GPHN: variants seen among roughly 807,000 people sequenced by gnomAD.
GPHN encodes the protein gephyrin.
Under a neutral mutation model 95.5 loss-of-function variants are expected in GPHN, and 17 were observed. That is an observed-to-expected ratio of 0.18 (90% CI 0.12 to 0.27). GPHN has a LOEUF of 0.27. Among genes scored for constraint, GPHN ranks in the 10% least tolerant of loss-of-function variants. The pLI, the probability that GPHN is intolerant of heterozygous loss-of-function variation, is 1.00. For missense variants in GPHN, 660 were observed against 978.1 expected, an observed-to-expected ratio of 0.67 and a Z score of 4.34; for synonymous variants, 320 against 322.5, an observed-to-expected ratio of 0.99 and a Z score of 0.08.
the GPHN span, among the ~76,000 whole-genome samples, chr14:67,631,450 T>G: frequency 7.3e-5 from 11 of 149,728 alleles, no homozygotes; most frequent in Admixed American, 1.3e-4. Context: ...TTTTTTTTTT[T>G]TTTGAGACAG....
the GPHN span, among the ~76,000 whole-genome samples, chr14:67,269,041 C>A: frequency 6.6e-6 from 1 of 152,174 alleles, no homozygotes; most frequent in Non-Finnish European, 1.5e-5. Context: ...CCATTCACCC[C>A]CAGTTTTAGG....
At chr14:66,622,112 A>G (rs1259952843) in intron 1 of GPHN, among the ~76,000 whole-genome samples, 4 of 152,140 alleles carry the variant, frequency 2.6e-5, no homozygotes, top group Non-Finnish European at 4.4e-5. Context: ...ATTTACGTAC[A>G]TCCTGTGAAA....
chr14:66,669,753 G>A (rs1373441945), intron 1 of GPHN, among the ~76,000 whole-genome samples: 2 of 151,964 alleles, frequency 1.3e-5, no homozygotes, highest in Non-Finnish European at 2.9e-5. Context: ...TGTTTTTCAG[G>A]TATAAAATTT....
intron 1 of GPHN, among the ~76,000 whole-genome samples, chr14:66,602,179 A>G (rs997262823): frequency 3.3e-5 from 5 of 151,964 alleles, no homozygotes; most frequent in African/African-American, 1.2e-4. Context: ...AATAATTTCT[A>G]TGTAAATATT....
the GPHN span, chr14:67,352,947 T>C: frequency 1.2e-6 from 2 of 1,611,774 alleles, no homozygotes; most frequent in East Asian, 2.2e-5. Flanking sequence ...TTAGGATCTG[T>C]CGAAATCGAA....
At chr14:67,402,528 C>A in the GPHN span, among the ~76,000 whole-genome samples, 1 of 152,142 alleles carries the variant, frequency 6.6e-6, no homozygotes, top group Non-Finnish European at 1.5e-5. Context: ...CTCATTCTTT[C>A]TAATTAATTT....
chr14:66,986,088 T>C (rs2071009540), intron 9 of GPHN, among the ~76,000 whole-genome samples: 2 of 151,472 alleles, frequency 1.3e-5, no homozygotes, highest in South Asian at 4.2e-4. Flanking sequence ...GAACTAACAT[T>C]TATTTTCAGA....
chr14:67,340,826 G>A, the GPHN span, among the ~76,000 whole-genome samples: 23 of 152,172 alleles, frequency 1.5e-4, no homozygotes, highest in African/African-American at 4.1e-4. Flanking sequence ...GGCGCGTGCC[G>A]CCACGCCTGA....
intron 1 of GPHN, among the ~76,000 whole-genome samples, chr14:66,520,862 C>T (rs982018311): frequency 1.3e-5 from 2 of 152,146 alleles, no homozygotes; most frequent in East Asian, 1.9e-4. Context: ...TCTTCCCACC[C>T]CCTACCCTCA....
intron 2 of GPHN, among the ~76,000 whole-genome samples, chr14:66,769,189 A>G (rs146028280): frequency 2.2e-4 from 34 of 152,224 alleles, no homozygotes; most frequent in African/African-American, 8.2e-4. Flanking sequence ...CCAATCATCT[A>G]TGAAATATAC....
chr14:66,884,808 ATG>A (rs1358860815), intron 5 of GPHN, among the ~76,000 whole-genome samples: 3 of 139,008 alleles, frequency 2.2e-5, no homozygotes, highest in Admixed American at 7.1e-5. Context: ...GTGTGTGTGT[ATG>A]TGTGTGTGTA....
chr14:67,171,444 C>T (rs940689741), intron 21 of GPHN, among the ~76,000 whole-genome samples: 2 of 151,986 alleles, frequency 1.3e-5, no homozygotes, highest in Non-Finnish European at 2.9e-5. Context: ...TTATTGACCC[C>T]GTGTTTCCAT....
chr14:66,656,407 A>G (rs1046560499), intron 1 of GPHN, among the ~76,000 whole-genome samples: 1 of 152,118 alleles, frequency 6.6e-6, no homozygotes, highest in Non-Finnish European at 1.5e-5. Flanking sequence ...TTTCCTTACT[A>G]TCCTTTTGAT....
At chr14:67,586,037 A>G in the GPHN span, 3 of 1,613,904 alleles carry the variant, frequency 1.9e-6, no homozygotes, top group East Asian at 2.2e-5. Context: ...GATCTATCCC[A>G]GACAAGAGCT....
chr14:66,664,989 C>CAAAAAAAAA (rs937401198), intron 1 of GPHN, among the ~76,000 whole-genome samples: 2 of 54,894 alleles, frequency 3.6e-5, no homozygotes, highest in Non-Finnish European at 3.9e-5. Flanking sequence ...GCCTACCAAC[C>CAAAAAAAAA]AAAAAAAAAA....
chr14:66,640,210 C>T (rs888521675), intron 1 of GPHN, among the ~76,000 whole-genome samples: 5 of 152,062 alleles, frequency 3.3e-5, no homozygotes, highest in East Asian at 1.9e-4. Flanking sequence ...CACTTGAGGT[C>T]GTGAGTTCAA....
At chr14:67,475,189 A>C in the GPHN span, among the ~76,000 whole-genome samples, 1 of 152,254 alleles carries the variant, frequency 6.6e-6, no homozygotes. Context: ...TGCTAGGATT[A>C]CAGGCGTGAG....
the GPHN span, among the ~76,000 whole-genome samples, chr14:67,603,464 T>G: frequency 6.6e-6 from 1 of 152,240 alleles, no homozygotes; most frequent in Non-Finnish European, 1.5e-5. Context: ...TAGGAATAAA[T>G]ACTGTGGTAG....
At chr14:67,645,944 G>A in the GPHN span, 1 of 972,632 alleles carries the variant, frequency 1.0e-6, no homozygotes, top group East Asian at 2.6e-5. Flanking sequence ...TATGGACCAG[G>A]CAGTCTGCCA....
Sources: allele counts gnomAD v4.1 joint callset (sites outside exome capture counted in the v4.1 genomes callset), GRCh38; gene constraint gnomAD v4.1.1; transcripts MANE v1.5; gene names NCBI Gene and HGNC (gene_info 2026-07-23, HGNC 2026-07-21).